Variants in PPP1R12B observed in about 807,000 individuals in gnomAD.
The protein encoded by PPP1R12B is myosin phosphatase target subunit 2.
A neutral mutation model predicts 126.1 loss-of-function variants in PPP1R12B; 76 were observed. The ratio of observed to expected loss-of-function variants is 0.60; its 90% CI spans 0.50 to 0.73. The LOEUF is 0.73. Ranked by LOEUF, PPP1R12B falls within the 30% of genes least tolerant of loss-of-function variation. PPP1R12B has a pLI of 0.00. For missense variants in PPP1R12B, 1,052 were observed against 1,205.1 expected, an observed-to-expected ratio of 0.87 and a Z score of 1.88; for synonymous variants, 356 against 434.7, an observed-to-expected ratio of 0.82 and a Z score of 2.25.
chr1:202,428,923 G>A lies in PPP1R12B; in HGVS notation c.915G>A (p.Gln305=). Residue 305 remains glutamine, a synonymous_variant, in exon 6 of 24, where the codon CAG becomes CAA. Transcript: ENST00000608999. ...VEHLELLQKK[Q]NVLRSEKETR... ...ATTTGGAGTTGCTCCAGAAGAAGCA[G>A]AATGTGGTGAGTTTCTGATTGGTGC... 6.2e-7 allele frequency: 1 copy of A among 1,605,190 alleles called. No homozygotes were observed. Among genetic ancestry groups the A allele is most frequent in the Non-Finnish European group, 8.5e-7 (1 of 1,176,522 alleles).
rs1336170953 is a variant in PPP1R12B at position 202,548,798 on chromosome 1, CTCTCTCTCTCTATATATA to C, written c.2491-10077_2491-10060del. 3.7e-5 allele frequency among the ~76,000 whole-genome samples: 4 copies of C among 109,036 alleles called. No individual in the cohort carries two copies. In the South Asian group the frequency reaches 9.6e-4, roughly 26 times the overall value. 71.5% of individuals were successfully genotyped at this position (109,036 alleles called of 152,430 possible). A position where few individuals can be genotyped will look rare whatever the true frequency, so the allele number is the denominator to read the frequency against. On this transcript the variant is annotated intron_variant, in intron 18 of 23. Coordinates refer to ENST00000608999, the MANE Select transcript of PPP1R12B (RefSeq NM_002481.4). ...GCTGTCTCTCTCTCTCTCTCTCTCTCTCTCTCTCTCTATATATATATATATATATATATATATAATTTT... is the reference window on the plus strand; with the variant it reads ...GCTGTCTCTCTCTCTCTCTCTCTCTCTATATATATATATATATATAATTTT...
intron 9 of PPP1R12B, among the ~76,000 whole-genome samples, chr1:202,435,399 GTGTGGAC>G (rs768495387): frequency 9.9e-5 from 15 of 152,244 alleles, no homozygotes; most frequent in Admixed American, 2.6e-4. Context: ...TACATGTAAA[GTGTGGAC>G]TGGGCTAGAA....
intron 18 of PPP1R12B, among the ~76,000 whole-genome samples, chr1:202,527,736 T>C (rs1343512147): frequency 6.6e-6 from 1 of 152,126 alleles, no homozygotes; most frequent in East Asian, 1.9e-4. Flanking sequence ...ATTTGGGGGA[T>C]GAATTCTATC....
intron 18 of PPP1R12B, among the ~76,000 whole-genome samples, chr1:202,516,848 G>C (rs1162193310): frequency 6.6e-6 from 1 of 152,156 alleles, no homozygotes; most frequent in Non-Finnish European, 1.5e-5. Flanking sequence ...TTATACTTCT[G>C]CTGCAAAGGA....
intron 11 of PPP1R12B, 125 bp from the exon 12 acceptor site, chr1:202,442,322 C>A: frequency 1.8e-6 from 2 of 1,095,272 alleles, no homozygotes; most frequent in South Asian, 1.8e-5. Flanking sequence ...AACAGAATAA[C>A]CTGAAGAATG....
intron 18 of PPP1R12B, among the ~76,000 whole-genome samples, chr1:202,504,597 C>T (rs1355112365): frequency 1.3e-5 from 2 of 152,170 alleles, no homozygotes; most frequent in Non-Finnish European, 2.9e-5. Flanking sequence ...AGATTAAGTA[C>T]CTTGCTAGTG....
intron 13 of PPP1R12B, among the ~76,000 whole-genome samples, chr1:202,451,781 CG>C (rs1178169798): frequency 6.7e-6 from 1 of 148,600 alleles, no homozygotes; most frequent in Non-Finnish European, 1.5e-5. Context: ...CCGGACGGGG[CG>C]GCTGGCAGGG....
chr1:202,417,374 T>G, intron 2 of PPP1R12B: 2 of 985,424 alleles, frequency 2.0e-6, no homozygotes, highest in Non-Finnish European at 2.4e-6. Context: ...CGCAGAAGAA[T>G]GAGCCTAAAC....
intron 10 of PPP1R12B, among the ~76,000 whole-genome samples, chr1:202,440,335 G>C (rs564198253): frequency 9.1e-4 from 138 of 152,276 alleles, no homozygotes; most frequent in African/African-American, 3.2e-3. Context: ...ATGTACTGGG[G>C]ACTATTGGGG....
At chr1:202,477,256 T>A (rs1223158877) in intron 13 of PPP1R12B, among the ~76,000 whole-genome samples, 1 of 152,228 alleles carries the variant, frequency 6.6e-6, no homozygotes, top group Non-Finnish European at 1.5e-5. Flanking sequence ...CTAAGTGCCT[T>A]ACATGGGTTT....
rs144405246 is a variant in PPP1R12B, at chr1:202,449,073, C to G, written c.1752C>G (p.Thr584=). The G allele has an allele frequency of 9.3e-6, 15 of 1,613,788 alleles. No homozygotes were observed. In the African/African-American group the frequency reaches 1.9e-4, roughly 20 times the overall value. Reference sequence around the variant, plus strand: ...CTAGCACCCCGCTCTGTGTGATCACCAATCGCCCTCTTCCTAGCACTGCCA... The same window carrying G: ...CTAGCACCCCGCTCTGTGTGATCACGAATCGCCCTCTTCCTAGCACTGCCA... The part of the protein sequence containing the change: ...VSSSTPLCVI[T]NRPLPSTANG... The change falls in exon 13 of 24, where the codon ACC becomes ACG. Residue 584 remains threonine, a synonymous_variant. Coordinates refer to ENST00000608999, the MANE Select transcript of PPP1R12B (RefSeq NM_002481.4).
At chr1:202,374,903 T>C (rs1469291309) in intron 1 of PPP1R12B, among the ~76,000 whole-genome samples, 2 of 152,030 alleles carry the variant, frequency 1.3e-5, no homozygotes, top group Non-Finnish European at 2.9e-5. Flanking sequence ...GTCTGCTGAA[T>C]GATTTCCATG....
At chr1:202,433,752 T>C (rs776357187) in intron 8 of PPP1R12B, among the ~76,000 whole-genome samples, 6 of 152,206 alleles carry the variant, frequency 3.9e-5, no homozygotes, top group African/African-American at 4.8e-5. Flanking sequence ...TTTTCTAATA[T>C]AGGAAGCTGA....
chr1:202,361,250 A>G (rs895012580), intron 1 of PPP1R12B, among the ~76,000 whole-genome samples: 11 of 152,196 alleles, frequency 7.2e-5, no homozygotes, highest in African/African-American at 2.2e-4. Flanking sequence ...CTATAAAGGA[A>G]TACGTGAGAC....
intron 1 of PPP1R12B, among the ~76,000 whole-genome samples, chr1:202,404,776 C>T (rs1666359271): frequency 6.6e-6 from 1 of 152,236 alleles, no homozygotes; most frequent in African/African-American, 2.4e-5. Context: ...GCTGGGATTA[C>T]AGGCGTGAGC....
chr1:202,555,559 CA>C (rs1686840241), intron 18 of PPP1R12B, among the ~76,000 whole-genome samples: 1 of 151,394 alleles, frequency 6.6e-6, no homozygotes, highest in African/African-American at 2.4e-5. Context: ...AGTTAGGCCT[CA>C]GTCTGCACAC....
At chr1:202,558,993 C>T in intron 19 of PPP1R12B, 100 bp downstream of exon 19, 15 of 1,184,006 alleles carry the variant, frequency 1.3e-5, no homozygotes, top group Non-Finnish European at 1.6e-5. Context: ...ATGTTTCTCA[C>T]ATCCTTTCCA....
rs762431446 is a variant in PPP1R12B, at chr1:202,442,500, G to A, written c.1595G>A (p.Arg532Lys). 1.5e-5 allele frequency: 24 copies of A among 1,613,578 alleles called. No individual in the cohort carries two copies. Among genetic ancestry groups the A allele is most frequent in the Admixed American group, 8.3e-5 (5 of 59,964 alleles). Residue 532 changes from arginine (R) to lysine (K), a missense_variant, in exon 12 of 24, where the codon AGG becomes AAG. Physicochemically the swap from Arg to Lys is conservative, Grantham distance 26. Transcript: ENST00000608999. ...RSGSYTRQLW[R>K]DEAKGNEIPQ... ...GGCTCCTATACCCGGCAGCTATGGAGGGATGAAGCAAAAGGAAATGAAATC... is the reference window on the plus strand; with the variant it reads ...GGCTCCTATACCCGGCAGCTATGGAAGGATGAAGCAAAAGGAAATGAAATC...
At chr1:202,470,525 C>T (rs965275591) in intron 13 of PPP1R12B, among the ~76,000 whole-genome samples, 1 of 152,084 alleles carries the variant, frequency 6.6e-6, no homozygotes, top group African/African-American at 2.4e-5. Context: ...GTATTCTCAC[C>T]ATCAGCAGTA....
Sources: allele counts gnomAD v4.1 joint callset (sites outside exome capture counted in the v4.1 genomes callset), GRCh38; gene constraint gnomAD v4.1.1; transcripts MANE v1.5; gene names NCBI Gene and HGNC (gene_info 2026-07-23, HGNC 2026-07-21).